The following TTC23 variants were observed in gnomAD, a reference collection of about 807,000 sequenced individuals.
TTC23 encodes the protein tetratricopeptide repeat protein 23.
TTC23 carries 58 observed loss-of-function variants against 55.1 expected under a neutral mutation model. That is an observed-to-expected ratio of 1.05 (90% CI 0.85 to 1.31). The LOEUF (loss-of-function observed/expected upper bound fraction) is 1.31, where lower values mean the gene tolerates loss of function less well. TTC23 is among the 50% of genes most tolerant of loss of function. The pLI is 0.00. For missense variants in TTC23, 516 were observed against 534.4 expected (o/e 0.97, Z 0.34); for synonymous variants, 203 against 199.9 (o/e 1.02, Z -0.13).
chr15:99,138,881 G>A (rs2067870843), intron 13 of TTC23, among the ~76,000 whole-genome samples: 1 of 152,214 alleles, frequency 6.6e-6, no homozygotes, highest in South Asian at 2.1e-4. Flanking sequence ...GGCCCTCCAC[G>A]GCAGAGCGCT....
At chr15:99,200,742 C>T (rs1052046925) in intron 8 of TTC23, among the ~76,000 whole-genome samples, 3 of 152,136 alleles carry the variant, frequency 2.0e-5, no homozygotes, top group African/African-American at 7.2e-5. Context: ...TGAAGTGATA[C>T]TCTGGCAGGG....
chr15:99,219,843 G>A (rs1001121471), intron 6 of TTC23, among the ~76,000 whole-genome samples: 9 of 152,012 alleles, frequency 5.9e-5, no homozygotes, highest in African/African-American at 2.2e-4. Context: ...ACACAAAATT[G>A]TATCTTAGAT....
At chr15:99,250,601 C>G (rs1250152202), upstream of TTC23, among the ~76,000 whole-genome samples, 6 of 152,194 alleles carry the variant, frequency 3.9e-5, no homozygotes, top group South Asian at 4.2e-4. Context: ...AAAATGTTTC[C>G]GAACTATGCT....
intron 12 of TTC23, among the ~76,000 whole-genome samples, chr15:99,141,727 A>G (rs1309497568): frequency 1.3e-5 from 2 of 152,218 alleles, no homozygotes; most frequent in African/African-American, 4.8e-5. Flanking sequence ...CTTTGTCTTT[A>G]TAAGCTGTGG....
At chr15:99,244,926 T>G (rs2080111506) in intron 2 of TTC23, among the ~76,000 whole-genome samples, 1 of 152,180 alleles carries the variant, frequency 6.6e-6, no homozygotes, top group Non-Finnish European at 1.5e-5. Flanking sequence ...ACTTAAAAAT[T>G]TTCAGTTATG....
At chr15:99,215,651 T>C (rs1325246870) in intron 8 of TTC23, among the ~76,000 whole-genome samples, 1 of 151,896 alleles carries the variant, frequency 6.6e-6, no homozygotes, top group Non-Finnish European at 1.5e-5. Context: ...GAGGCTGAGA[T>C]GAGAGGATTG....
chr15:99,229,395 G>A (rs2078749237), intron 4 of TTC23, among the ~76,000 whole-genome samples: 1 of 152,156 alleles, frequency 6.6e-6, no homozygotes, highest in African/African-American at 2.4e-5. Context: ...AACAAGACAA[G>A]CAATGAGAGA....
chr15:99,214,076 T>A (rs1567503906), intron 8 of TTC23, among the ~76,000 whole-genome samples: 2 of 152,280 alleles, frequency 1.3e-5, no homozygotes, highest in East Asian at 3.9e-4. Flanking sequence ...AGTCTTAAAA[T>A]TTTTTTAGCC....
chr15:99,176,535 C>T (rs1306175252), intron 9 of TTC23, among the ~76,000 whole-genome samples: 1 of 152,076 alleles, frequency 6.6e-6, no homozygotes, highest in Admixed American at 6.6e-5. Context: ...TTGCTTTGAG[C>T]CCGGGAGGTT....
chr15:99,188,660 A>AAGACAATTG (rs897026561), intron 9 of TTC23, among the ~76,000 whole-genome samples: 1 of 152,126 alleles, frequency 6.6e-6, no homozygotes, highest in Non-Finnish European at 1.5e-5. Context: ...TTTCACAAAA[A>AAGACAATTG]AGACAATTGA....
intron 1 of TTC23, among the ~76,000 whole-genome samples, chr15:99,247,412 A>G (rs2080344608): frequency 6.6e-6 from 1 of 152,246 alleles, no homozygotes; most frequent in Non-Finnish European, 1.5e-5. Context: ...TACTGTATTT[A>G]CTGTAATACA....
intron 6 of TTC23, 56 bp from the exon 7 acceptor site, chr15:99,219,104 T>A: frequency 6.3e-7 from 1 of 1,584,420 alleles, no homozygotes; most frequent in Non-Finnish European, 8.6e-7. Flanking sequence ...TGGACAGGAA[T>A]ACAGTTCCTT....
chr15:99,204,706 G>A (rs935491256), intron 8 of TTC23, among the ~76,000 whole-genome samples: 1 of 129,854 alleles, frequency 7.7e-6, no homozygotes, highest in Non-Finnish European at 1.6e-5. Context: ...TGTGATCATA[G>A]CTCACTGCAG....
At chr15:99,140,826 A>G (rs1596184508) in intron 12 of TTC23, 1 of 152,378 alleles carries the variant, frequency 6.6e-6, no homozygotes, top group East Asian at 1.9e-4. Flanking sequence ...CGCTGAGGAA[A>G]GATTCTTGCA....
intron 11 of TTC23, among the ~76,000 whole-genome samples, chr15:99,156,579 T>G (rs1203729027): frequency 1.3e-5 from 2 of 152,220 alleles, no homozygotes; most frequent in African/African-American, 2.4e-5. Flanking sequence ...GCAGGAGAGA[T>G]AAGTGCTGAG....
chr15:99,158,713 TTCA>T (rs1319037222), intron 11 of TTC23: 1 of 152,304 alleles, frequency 6.6e-6, no homozygotes, highest in African/African-American at 2.4e-5. Flanking sequence ...TAAAAGGCAT[TTCA>T]TCCCTCAAAT....
chr15:99,198,239 T>A (rs1466260555), intron 9 of TTC23, among the ~76,000 whole-genome samples: 6 of 152,184 alleles, frequency 3.9e-5, no homozygotes, highest in Non-Finnish European at 7.3e-5. Flanking sequence ...GCTCATCACC[T>A]AAAACACAGC....
Position 99,175,083 on chromosome 15 carries a change from C to A in TTC23, c.832G>T (p.Ala278Ser). 6.2e-7 allele frequency: 1 copy of A among 1,614,142 alleles called. No homozygotes were observed. The highest frequency in any genetic ancestry group is 2.2e-5 in the East Asian group (1 of 44,886). Residue 278 changes from alanine (A) to serine (S), a missense_variant, in exon 10 of 14, where the codon GCT becomes TCT. Coordinates refer to ENST00000394132, the MANE Select transcript of TTC23 (RefSeq NM_001288615.3). ...TCGTGTCTCCCTGAAGCGACAGCAG[C>A]ATGGGCGACGATGTGTGCCGAGTCT... ...AADSAHIVAHAAVASGRHEHH... is the reference protein window; with the variant it reads ...AADSAHIVAHSAVASGRHEHH...
At chr15:99,151,782 C>G (rs1703766) in intron 12 of TTC23, among the ~76,000 whole-genome samples, 116,513 of 152,140 alleles carry the variant, frequency 0.77, 44,754 homozygotes, top group Middle Eastern at 0.83. Context: ...TGGAATTCCA[C>G]GATGTGAAAT....
Sources: gnomAD v4.1 joint callset for allele counts (sites outside exome capture counted in the v4.1 genomes callset) on GRCh38, gnomAD v4.1.1 for gene constraint, MANE v1.5 for transcripts, NCBI Gene and HGNC (gene_info 2026-07-23, HGNC 2026-07-21) for gene names.